Variants in COL13A1 observed in about 807,000 individuals in gnomAD.
COL13A1 encodes the protein collagen type XIII alpha 1 chain, also known as collagen alpha-1(XIII) chain.
A neutral mutation model predicts 130.9 loss-of-function variants in COL13A1; 89 were observed. The observed-to-expected ratio is 0.68, with a 90% CI of 0.57 to 0.81. The LOEUF (loss-of-function observed/expected upper bound fraction) is 0.81. Ranked by LOEUF, COL13A1 falls within the 30% of genes least tolerant of loss-of-function variation. The pLI is 0.00. For synonymous variants in COL13A1, 402 were observed against 341.6 expected, an observed-to-expected ratio of 1.18 and a Z score of -1.95; for missense variants, 879 against 934.6, an observed-to-expected ratio of 0.94 and a Z score of 0.78.
In COL13A1 at chr10:69,895,560, G is replaced by C; in HGVS notation, c.668G>C (p.Gly223Ala). 6.2e-7 allele frequency: 1 copy of C among 1,613,956 alleles called. No individual in the cohort carries two copies. Among genetic ancestry groups the C allele is most frequent in the Non-Finnish European group, 8.5e-7 (1 of 1,179,882 alleles). Residue 223 changes from glycine to alanine, a missense_variant, in exon 13 of 41, where the codon GGA becomes GCA. By Grantham distance (60) the Gly-to-Ala change is moderately conservative. Transcript: ENST00000645393. ...QGQKGEKGQC[G>A]EYPHRLLPLL... Reference sequence around the variant, plus strand: ...CCCTCTCCTTCCCAGGGTCAGTGTGGAGAGTACCCACACCGGGTAAGTGAA... The same window carrying C: ...CCCTCTCCTTCCCAGGGTCAGTGTGCAGAGTACCCACACCGGGTAAGTGAA...
At chr10:69,924,386 A>G (rs915868054) in intron 24 of COL13A1, among the ~76,000 whole-genome samples, 1 of 151,996 alleles carries the variant, frequency 6.6e-6, no homozygotes, top group East Asian at 1.9e-4. Flanking sequence ...TTTTTCATTT[A>G]TTCTCCATGG....
At chr10:69,889,298 G>A in intron 9 of COL13A1, 116 bp from the exon 10 acceptor site, 5 of 1,319,884 alleles carry the variant, frequency 3.8e-6, no homozygotes, top group South Asian at 1.3e-5. Flanking sequence ...CAGGGGACAG[G>A]GAGGAGCACG....
intron 17 of COL13A1, among the ~76,000 whole-genome samples, chr10:69,916,147 G>A (rs2063892483): frequency 6.6e-6 from 1 of 152,226 alleles, no homozygotes; most frequent in Non-Finnish European, 1.5e-5. Context: ...TGGCAGGAAA[G>A]GGAGAGTGTG....
intron 21 of COL13A1, 35 bp from the exon 22 acceptor site, chr10:69,921,847 T>G (rs2064720727): frequency 6.3e-7 from 1 of 1,589,482 alleles, no homozygotes; most frequent in South Asian, 1.2e-5. Flanking sequence ...GCAGAAACAG[T>G]TCCTAACCCC....
intron 17 of COL13A1, among the ~76,000 whole-genome samples, chr10:69,915,056 A>G (rs990538153): frequency 5.3e-5 from 8 of 152,260 alleles, no homozygotes; most frequent in Non-Finnish European, 8.8e-5. Flanking sequence ...GCCAAGAGAA[A>G]TAAGTACCTT....
intron 26 of COL13A1, 47 bp from the exon 27 acceptor site, chr10:69,927,040 G>A: frequency 6.2e-7 from 1 of 1,613,364 alleles, no homozygotes; most frequent in Non-Finnish European, 8.5e-7. Context: ...CCTTCCACTT[G>A]GCTCTTGGTT....
intron 30 of COL13A1, chr10:69,931,393 G>A (rs1455420224): frequency 2.9e-6 from 1 of 341,498 alleles, no homozygotes; most frequent in Non-Finnish European, 5.9e-6. Flanking sequence ...CCCAGCCTGG[G>A]AGCAGGCAGG....
intron 13 of COL13A1, 56 bp from the exon 14 acceptor site, chr10:69,898,641 A>C: frequency 3.3e-6 from 5 of 1,526,610 alleles, no homozygotes; most frequent in African/African-American, 1.4e-5. Flanking sequence ...ATCGATCTGA[A>C]TACCTGTGAT....
chr10:69,817,668 G>A (rs987388792), intron 1 of COL13A1, among the ~76,000 whole-genome samples: 6 of 152,022 alleles, frequency 3.9e-5, no homozygotes, highest in Non-Finnish European at 8.8e-5. Context: ...GAACAGGGCG[G>A]GTGTCAAGGC....
chr10:69,872,172 T>C lies in COL13A1; in HGVS notation c.373-12T>C, dbSNP rs1407207369. ...CCTGCCTGACCTACGTAAACGTCAC[T>C]CTTCATTTCAGGGTCCCACTGGAAG... On this transcript the variant is annotated splice_polypyrimidine_tract_variant and intron_variant, in intron 3 of 40. Transcript: ENST00000645393. 6.2e-7 allele frequency: 1 copy of C among 1,613,700 alleles called. No homozygotes were observed. Among genetic ancestry groups the C allele is most frequent in the Admixed American group, 1.7e-5 (1 of 60,030 alleles).
At chr10:69,895,286 T>C (rs1316500481) in intron 12 of COL13A1, among the ~76,000 whole-genome samples, 1 of 152,180 alleles carries the variant, frequency 6.6e-6, no homozygotes. Context: ...TCTGCCATTA[T>C]GGCAAGTGGT....
intron 1 of COL13A1, among the ~76,000 whole-genome samples, chr10:69,816,052 G>A (rs764600626): frequency 6.6e-6 from 1 of 151,568 alleles, no homozygotes; most frequent in African/African-American, 2.4e-5. Flanking sequence ...AGGCCCTGAG[G>A]TAGAGAAAGC....
intron 2 of COL13A1, among the ~76,000 whole-genome samples, chr10:69,851,697 C>G (rs1235251877): frequency 6.6e-6 from 1 of 152,016 alleles, no homozygotes; most frequent in Non-Finnish European, 1.5e-5. Flanking sequence ...CTCTGTTGTC[C>G]AGGCTGGAGT....
Position 69,930,450 on chromosome 10 carries a change from C to T in COL13A1, c.1581C>T (p.Pro527=), listed in dbSNP as rs372016408. 2 of 1,613,710 alleles carry T rather than the reference C, an allele frequency of 1.2e-6. No individual in the cohort carries two copies. Among genetic ancestry groups the T allele is most frequent in the Admixed American group, 1.7e-5 (1 of 60,012 alleles). ...GDMGPPGPQG[P]PGKDGPPGVK... ...TGGGCCCTCCTGGTCCCCAAGGCCC[C>T]CCAGGAAAGGATGGACCTCCAGGAG... Residue 527 remains proline, a synonymous_variant, in exon 30 of 41, where the codon CCC becomes CCT. Coordinates refer to ENST00000645393, the MANE Select transcript of COL13A1 (RefSeq NM_001368882.1).
At chr10:69,874,813 CT>C (rs1359239073) in intron 4 of COL13A1, among the ~76,000 whole-genome samples, 2 of 152,178 alleles carry the variant, frequency 1.3e-5, no homozygotes, top group Non-Finnish European at 2.9e-5. Context: ...ACAGTGAAGT[CT>C]AAGGGAGCAA....
At chr10:69,889,570 G>A (rs1197818427) in intron 10 of COL13A1, 130 bp downstream of exon 10, 45 of 1,211,300 alleles carry the variant, frequency 3.7e-5, no homozygotes, top group Non-Finnish European at 4.9e-5. Context: ...TCACTCCCCA[G>A]CTGTGTAAAC....
chr10:69,896,883 A>G (rs1204599388), intron 13 of COL13A1, among the ~76,000 whole-genome samples: 1 of 152,204 alleles, frequency 6.6e-6, no homozygotes, highest in Non-Finnish European at 1.5e-5. Flanking sequence ...ATACAATAAT[A>G]GAAGGTCAGC....
chr10:69,866,293 C>T (rs2058508438), intron 2 of COL13A1, among the ~76,000 whole-genome samples: 1 of 152,218 alleles, frequency 6.6e-6, no homozygotes, highest in African/African-American at 2.4e-5. Context: ...GCCTGTGTCA[C>T]TGGGGGCATC....
rs201604647 is a variant in COL13A1, at chr10:69,902,750, C to T, written c.753C>T (p.Gly251=). ...ACATTCGTTTCCATGAACCTCAGGGCGAACAGAGCCAGGCCAGCATCCAAG... is the reference window on the plus strand; with the variant it reads ...ACATTCGTTTCCATGAACCTCAGGGTGAACAGAGCCAGGCCAGCATCCAAG... ...PPVIKRRTFQ[G]EQSQASIQGP... Residue 251 remains glycine (G), a splice_region_variant and synonymous_variant, in exon 15 of 41, where the codon GGC becomes GGT. Coordinates refer to ENST00000645393, the MANE Select transcript of COL13A1 (RefSeq NM_001368882.1). The T allele has an allele frequency of 2.2e-4, 345 of 1,549,408 alleles. 1 individual carries two copies. In the South Asian group the frequency reaches 3.6e-3, roughly 16 times the overall value.
Sources: allele counts gnomAD v4.1 joint callset (sites outside exome capture counted in the v4.1 genomes callset), GRCh38; gene constraint gnomAD v4.1.1; transcripts MANE v1.5; gene names NCBI Gene and HGNC (gene_info 2026-07-23, HGNC 2026-07-21).